RALYL: variants seen among roughly 807,000 people sequenced by gnomAD.
RALYL encodes the protein RNA-binding Raly-like protein.
In RALYL, 29 loss-of-function variants were observed where a neutral mutation model predicts 35.1. That is an observed-to-expected ratio of 0.83 (90% CI 0.61 to 1.13). The LOEUF (loss-of-function observed/expected upper bound fraction) is 1.13. RALYL is among the 50% of genes most tolerant of loss of function. The pLI is 0.00. For synonymous variants in RALYL, 120 were observed against 127.6 expected, an observed-to-expected ratio of 0.94 and a Z score of 0.40; for missense variants, 359 against 360.4, an observed-to-expected ratio of 1.00 and a Z score of 0.03.
At chr8:84,668,280 T>C (rs1294757569) in intron 2 of RALYL, among the ~76,000 whole-genome samples, 1 of 152,166 alleles carries the variant, frequency 6.6e-6, no homozygotes, top group Non-Finnish European at 1.5e-5. Context: ...ATGAATGCTA[T>C]TGTTGGAGCC....
chr8:84,544,767 T>G (rs915042677), intron 2 of RALYL, among the ~76,000 whole-genome samples: 14 of 152,206 alleles, frequency 9.2e-5, no homozygotes, highest in African/African-American at 3.1e-4. Flanking sequence ...TATCATGCAA[T>G]GTTTGACAGC....
At chr8:84,845,151 C>T (rs545865175) in intron 4 of RALYL, among the ~76,000 whole-genome samples, 8 of 152,176 alleles carry the variant, frequency 5.3e-5, no homozygotes, top group East Asian at 3.9e-4. Flanking sequence ...AATTTAGTCA[C>T]GTATTTCCTT....
chr8:84,712,762 A>G (rs1234529610), intron 2 of RALYL, among the ~76,000 whole-genome samples: 1 of 152,192 alleles, frequency 6.6e-6, no homozygotes, highest in African/African-American at 2.4e-5. Flanking sequence ...CAGTTAAAAA[A>G]TAATGTTAAT....
intron 1 of RALYL, among the ~76,000 whole-genome samples, chr8:84,267,740 T>C (rs976478296): frequency 2.0e-5 from 3 of 152,236 alleles, no homozygotes; most frequent in Admixed American, 6.5e-5. Flanking sequence ...CAGACGTCTC[T>C]GCGCTGGATC....
chr8:84,540,900 A>C (rs2059976208), intron 2 of RALYL, among the ~76,000 whole-genome samples: 1 of 151,270 alleles, frequency 6.6e-6, no homozygotes, highest in African/African-American at 2.4e-5. Flanking sequence ...ATGAGTTTTC[A>C]AAAAAAAGTG....
At chr8:84,813,471 C>A (rs1356320661) in intron 4 of RALYL, among the ~76,000 whole-genome samples, 6 of 152,186 alleles carry the variant, frequency 3.9e-5, no homozygotes, top group Non-Finnish European at 8.8e-5. Flanking sequence ...ACTTTTAATC[C>A]ATAGTCACAT....
chr8:84,241,262 T>A (rs1586470789), intron 1 of RALYL, among the ~76,000 whole-genome samples: 1 of 152,210 alleles, frequency 6.6e-6, no homozygotes, highest in Non-Finnish European at 1.5e-5. Context: ...TGTGTCTTTT[T>A]TTCTTTCTCT....
chr8:84,295,634 C>T (rs576358881), intron 1 of RALYL, among the ~76,000 whole-genome samples: 25 of 152,178 alleles, frequency 1.6e-4, no homozygotes, highest in African/African-American at 4.8e-4. Context: ...TATAGACCAA[C>T]TGTGGGAGTA....
chr8:84,751,220 T>C (rs1809907933), intron 2 of RALYL, among the ~76,000 whole-genome samples: 1 of 152,068 alleles, frequency 6.6e-6, no homozygotes, highest in South Asian at 2.1e-4. Flanking sequence ...GTTTATGCTT[T>C]TTTTTTAGAC....
intron 2 of RALYL, among the ~76,000 whole-genome samples, chr8:84,685,626 A>G (rs1230118772): frequency 6.6e-6 from 1 of 152,200 alleles, no homozygotes; most frequent in Non-Finnish European, 1.5e-5. Flanking sequence ...TATGACATAC[A>G]TGTTCCTGAA....
At chr8:84,509,475 C>T (rs2057432121) in intron 1 of RALYL, among the ~76,000 whole-genome samples, 1 of 152,148 alleles carries the variant, frequency 6.6e-6, no homozygotes, top group South Asian at 2.1e-4. Context: ...TTTGTCTTCT[C>T]ATTCTCTTGA....
At position 84,407,048 on chromosome 8, in the gene RALYL, T is replaced by TCA. The variant is rs879429303; in HGVS notation, c.-23-122232_-23-122231dup. ...TATATATATATATACACACACACAC[T>TCA]CACACACACACACACACACAAACAC... On this transcript the variant is annotated intron_variant, in intron 1 of 8. Coordinates refer to ENST00000521268, the MANE Select transcript of RALYL (RefSeq NM_173848.7). Among the ~76,000 whole-genome samples, 239 of 140,010 alleles carry TCA rather than the reference T, an allele frequency of 1.7e-3. 1 individual carries two copies. The highest frequency in any genetic ancestry group is 4.7e-3 in the East Asian group (23 of 4,844). 91.9% of individuals were successfully genotyped at this position (140,010 alleles called of 152,430 possible).
chr8:84,605,698 G>A (rs1816962785), intron 2 of RALYL, among the ~76,000 whole-genome samples: 2 of 152,106 alleles, frequency 1.3e-5, no homozygotes, highest in South Asian at 4.1e-4. Flanking sequence ...GGCATGCCCT[G>A]TAAATCCCCA....
At chr8:84,265,216 A>C (rs2131859790) in intron 1 of RALYL, among the ~76,000 whole-genome samples, 1 of 152,348 alleles carries the variant, frequency 6.6e-6, no homozygotes, top group South Asian at 2.1e-4. Flanking sequence ...TACATACAAA[A>C]GGTAATTTGA....
intron 4 of RALYL, among the ~76,000 whole-genome samples, chr8:84,810,564 G>A (rs543655352): frequency 6.6e-5 from 10 of 152,220 alleles, no homozygotes; most frequent in Non-Finnish European, 1.5e-4. Flanking sequence ...TTGATGACCT[G>A]TCTAGTGCTG....
chr8:84,281,417 T>C (rs1441709379), intron 1 of RALYL, among the ~76,000 whole-genome samples: 1 of 152,080 alleles, frequency 6.6e-6, no homozygotes, highest in South Asian at 2.1e-4. Context: ...TTTCTCAAAA[T>C]GGATAAAAGA....
chr8:84,481,476 T>G lies in RALYL; in HGVS notation c.-23-47823T>G, dbSNP rs576944366. Among the ~76,000 whole-genome samples the G allele has an allele frequency of 2.2e-3, 292 of 131,286 alleles. 3 individuals are homozygous for G. The highest frequency in any genetic ancestry group is 7.4e-3 in the African/African-American group (283 of 38,108). 86.1% of individuals were successfully genotyped at this position (131,286 alleles called of 152,430 possible). A position where few individuals can be genotyped will look rare whatever the true frequency, so the allele number is the denominator to read the frequency against. The stretch of plus-strand genomic sequence containing the variant: ...TCCCAAGTAACTAGGACTACTTCTA[T>G]TCCTATTTTGAAATTTATCAAACAG... On this transcript the variant is annotated intron_variant, in intron 1 of 8. Coordinates refer to ENST00000521268, the MANE Select transcript of RALYL (RefSeq NM_173848.7).
At chr8:84,786,707 T>A (rs894586438) in intron 3 of RALYL, among the ~76,000 whole-genome samples, 1 of 152,208 alleles carries the variant, frequency 6.6e-6, no homozygotes, top group African/African-American at 2.4e-5. Flanking sequence ...TTGTTTAAGT[T>A]CCTTGTAGAT....
chr8:84,770,485 T>C (rs950152702), intron 2 of RALYL, among the ~76,000 whole-genome samples: 3 of 151,318 alleles, frequency 2.0e-5, no homozygotes, highest in Non-Finnish European at 4.4e-5. Context: ...ATTTTTGCAA[T>C]TGTGAATTGT....
Sources: gnomAD v4.1 joint callset for allele counts (sites outside exome capture counted in the v4.1 genomes callset) on GRCh38, gnomAD v4.1.1 for gene constraint, MANE v1.5 for transcripts, NCBI Gene and HGNC (gene_info 2026-07-23, HGNC 2026-07-21) for gene names.